The following NCKAP5 variants were observed in gnomAD, a reference collection of about 807,000 sequenced individuals.
NCKAP5 encodes NCK associated protein 5.
Under a neutral mutation model 167.0 loss-of-function variants are expected in NCKAP5, and 92 were observed. The observed-to-expected ratio is 0.55, with a 90% CI of 0.47 to 0.66. The LOEUF (loss-of-function observed/expected upper bound fraction) is 0.66, where lower values mean the gene tolerates loss of function less well. Among genes scored for constraint, NCKAP5 ranks in the 30% least tolerant of loss-of-function variants. The probability of loss-of-function intolerance (pLI) is 0.00; values close to 1 mark genes in which losing one functional copy is unlikely to be tolerated. For missense variants in NCKAP5, 2,378 were observed against 2,315.0 expected (o/e 1.03, Z -0.56); for synonymous variants, 891 against 877.4 (o/e 1.02, Z -0.27).
the NCKAP5 span, among the ~76,000 whole-genome samples, chr2:133,644,010 C>T: frequency 6.6e-6 from 1 of 152,204 alleles, no homozygotes; most frequent in African/African-American, 2.4e-5. Flanking sequence ...GCCCCTGTCA[C>T]TACATTTTGG....
intron 11 of NCKAP5, among the ~76,000 whole-genome samples, chr2:132,846,242 G>A (rs929962592): frequency 6.6e-6 from 1 of 152,090 alleles, no homozygotes; most frequent in Non-Finnish European, 1.5e-5. Context: ...TTGATATAAT[G>A]AATTTAGAGG....
rs559107463 is a variant in NCKAP5 at position 133,531,444 on chromosome 2, A to G, written c.-61-13857T>C. On this transcript the variant is annotated intron_variant, in intron 2 of 19. Coordinates refer to ENST00000409261, the MANE Select transcript of NCKAP5 (RefSeq NM_207363.3). ...GTGCCAGAAATAAGCCTATTGATTA[A>G]TAAACTTTAAACTTCTGCTTAGGTA... Among the ~76,000 whole-genome samples, 112 of 152,206 alleles carry G rather than the reference A, an allele frequency of 7.4e-4. 1 individual carries two copies. The highest frequency in any genetic ancestry group is 2.5e-3 in the African/African-American group (105 of 41,552).
At chr2:132,947,686 GCTCA>G (rs974689937) in intron 8 of NCKAP5, among the ~76,000 whole-genome samples, 5 of 152,042 alleles carry the variant, frequency 3.3e-5, no homozygotes, top group Non-Finnish European at 5.9e-5. Flanking sequence ...GTGAAATGTG[GCTCA>G]CTGTCTCAGC....
chr2:133,085,971 C>T (rs1051301434), intron 6 of NCKAP5, among the ~76,000 whole-genome samples: 16 of 152,138 alleles, frequency 1.1e-4, no homozygotes, highest in Non-Finnish European at 2.1e-4. Context: ...CCAGGAAGTG[C>T]AAAAATTCCC....
intron 3 of NCKAP5, among the ~76,000 whole-genome samples, chr2:133,460,720 T>C (rs1172819384): frequency 6.6e-6 from 1 of 152,034 alleles, no homozygotes; most frequent in Non-Finnish European, 1.5e-5. Flanking sequence ...AGCACCTAAA[T>C]CAATTAGAGA....
chr2:133,124,889 T>C (rs189041016), intron 6 of NCKAP5, among the ~76,000 whole-genome samples: 3 of 152,180 alleles, frequency 2.0e-5, no homozygotes, highest in African/African-American at 4.8e-5. Flanking sequence ...CTACCACAAT[T>C]ACAAAAATTA....
Position 133,358,740 on chromosome 2 carries a change from T to C in NCKAP5, c.70-55630A>G, listed in dbSNP as rs772492944. On this transcript the variant is annotated intron_variant, in intron 3 of 19. Transcript: ENST00000409261. Reference sequence around the variant, plus strand: ...AAACTACTAATATTCTTCAGAATTATAGAGTAGTAACACTATAAATGGCTG... The same window carrying C: ...AAACTACTAATATTCTTCAGAATTACAGAGTAGTAACACTATAAATGGCTG... 3.3e-5 allele frequency among the ~76,000 whole-genome samples: 5 copies of C among 152,238 alleles called. No individual in the cohort carries two copies. The South Asian group carries it at 1.0e-3, about 32-fold the overall frequency.
chr2:133,173,838 T>A (rs1293855639), intron 5 of NCKAP5, among the ~76,000 whole-genome samples: 1 of 152,244 alleles, frequency 6.6e-6, no homozygotes, highest in Non-Finnish European at 1.5e-5. Context: ...AGCTCTGGCT[T>A]TCTTTGACAA....
At chr2:133,001,349 G>A (rs1343847513) in intron 6 of NCKAP5, among the ~76,000 whole-genome samples, 1 of 151,432 alleles carries the variant, frequency 6.6e-6, no homozygotes, top group Non-Finnish European at 1.5e-5. Context: ...CCTCCAGATA[G>A]CTGGAACTAA....
intron 11 of NCKAP5, among the ~76,000 whole-genome samples, chr2:132,798,753 G>A (rs190021642): frequency 6.6e-6 from 1 of 152,198 alleles, no homozygotes; most frequent in African/African-American, 2.4e-5. Context: ...AGGGCCAGGA[G>A]ACCTGAGTTC....
At chr2:133,583,878 C>T in the NCKAP5 span, among the ~76,000 whole-genome samples, 94 of 152,250 alleles carry the variant, frequency 6.2e-4, no homozygotes, top group Non-Finnish European at 1.2e-3. Flanking sequence ...CTCAGCCTCC[C>T]GAGTAGCTGG....
intron 3 of NCKAP5, among the ~76,000 whole-genome samples, chr2:133,493,947 A>G (rs1204427475): frequency 6.6e-6 from 1 of 152,216 alleles, no homozygotes; most frequent in Non-Finnish European, 1.5e-5. Context: ...GGAGGAAATT[A>G]GGCAAAGGGA....
intron 4 of NCKAP5, among the ~76,000 whole-genome samples, chr2:133,225,239 G>GA (rs11439770): frequency 0.39 from 58,906 of 151,406 alleles, 11,697 homozygotes; most frequent in Admixed American, 0.43. Context: ...ATTCTTGAGG[G>GA]AAAAAAAACA....
chr2:133,462,300 G>A (rs958515487), intron 3 of NCKAP5, among the ~76,000 whole-genome samples: 2 of 152,154 alleles, frequency 1.3e-5, no homozygotes, highest in Non-Finnish European at 2.9e-5. Context: ...AGTTGTCAGA[G>A]TGGAGCCATA....
chr2:133,470,425 A>G (rs1342185705), intron 3 of NCKAP5, among the ~76,000 whole-genome samples: 3 of 152,174 alleles, frequency 2.0e-5, no homozygotes, highest in African/African-American at 7.2e-5. Context: ...GCTGTCAGAC[A>G]GGGACATTTA....
intron 4 of NCKAP5, among the ~76,000 whole-genome samples, chr2:133,249,063 T>C (rs1205737302): frequency 6.6e-6 from 1 of 152,030 alleles, no homozygotes; most frequent in East Asian, 1.9e-4. Context: ...CCTTCCCCCA[T>C]CCCACTACCT....
chr2:133,088,393 T>G, intron 6 of NCKAP5, among the ~76,000 whole-genome samples: 1 of 152,266 alleles, frequency 6.6e-6, no homozygotes, highest in South Asian at 2.1e-4. Context: ...TAGCTCTTTC[T>G]GCACCAAACC....
chr2:133,131,135 C>T (rs532522731), intron 5 of NCKAP5, among the ~76,000 whole-genome samples: 25 of 152,260 alleles, frequency 1.6e-4, no homozygotes, highest in Admixed American at 1.4e-3. Context: ...AGATTTTCTC[C>T]AGCTCTAACT....
In NCKAP5 at chr2:133,232,922, A is replaced by G. The variant is rs76768684; in HGVS notation, c.144-19143T>C. The stretch of plus-strand genomic sequence containing the variant: ...CTCCTTCTATATAATCTGAGTGTAT[A>G]GATGAAAAAGAAATGTTTTCAAAGT... On this transcript the variant is annotated intron_variant, in intron 4 of 19. Coordinates refer to ENST00000409261, the MANE Select transcript of NCKAP5 (RefSeq NM_207363.3). Among the ~76,000 whole-genome samples, 114 of 152,368 alleles carry G rather than the reference A, an allele frequency of 7.5e-4. 1 individual carries two copies. The East Asian group carries it at 0.019, about 26-fold the overall frequency.
Sources: gnomAD v4.1 joint callset for allele counts (sites outside exome capture counted in the v4.1 genomes callset) on GRCh38, gnomAD v4.1.1 for gene constraint, MANE v1.5 for transcripts, NCBI Gene and HGNC (gene_info 2026-07-23, HGNC 2026-07-21) for gene names.